The following SDK2 variants were observed in gnomAD, a reference collection of about 807,000 sequenced individuals.
The protein encoded by SDK2 is protein sidekick-2.
In SDK2, 105 loss-of-function variants were observed where a neutral mutation model predicts 253.9. That is an observed-to-expected ratio of 0.41 (90% CI 0.35 to 0.49). The LOEUF (loss-of-function observed/expected upper bound fraction) is 0.49. Among genes scored for constraint, SDK2 ranks in the 20% least tolerant of loss-of-function variants. SDK2 has a pLI of 0.06. For synonymous variants in SDK2, 1,249 were observed against 1,234.9 expected (o/e 1.01, Z -0.24); for missense variants, 2,608 against 3,003.0 (o/e 0.87, Z 3.07).
rs1007097292 is a variant in SDK2 at position 73,467,765 on chromosome 17, G to A, written c.331+4347C>T. ...GCTTTTCTAACTTCCTGGCTTTAGG[G>A]CCCAAAGGGCTGTGGACTGTGGTTA... On this transcript the variant is annotated intron_variant, in intron 3 of 44. Coordinates refer to ENST00000392650, the MANE Select transcript of SDK2 (RefSeq NM_001144952.2). The surrounding 1 kb of genome is among the most constrained non-coding windows in gnomAD (Gnocchi z 4.1). 3.9e-5 allele frequency among the ~76,000 whole-genome samples: 6 copies of A among 152,188 alleles called. No homozygotes were observed. Among genetic ancestry groups the A allele is most frequent in the Admixed American group, 6.5e-5 (1 of 15,280 alleles).
rs1443176112 is a variant in SDK2 at position 73,624,005 on chromosome 17, TGGGCA to T, written c.64+20015_64+20019del. 3.3e-5 allele frequency among the ~76,000 whole-genome samples: 5 copies of T among 152,324 alleles called. No individual in the cohort carries two copies. In the East Asian group the frequency reaches 9.7e-4, roughly 29 times the overall value. Reference sequence around the variant, plus strand: ...CGGGTTGTTTTTCCAGGAGGAGGACTGGGCAGGGCCGCTCAGCCTGCTGGGCCTCC... The same window carrying T: ...CGGGTTGTTTTTCCAGGAGGAGGACTGGGCCGCTCAGCCTGCTGGGCCTCC... On this transcript the variant is annotated intron_variant, in intron 1 of 44. Coordinates refer to ENST00000392650, the MANE Select transcript of SDK2 (RefSeq NM_001144952.2).
At chr17:73,589,162 C>T (rs2045647316) in intron 1 of SDK2, among the ~76,000 whole-genome samples, 1 of 152,260 alleles carries the variant, frequency 6.6e-6, no homozygotes, top group African/African-American at 2.4e-5. Flanking sequence ...TATGCTCCTC[C>T]CTAAGCCAAT....
At chr17:73,552,478 G>T (rs73351513) in intron 1 of SDK2, among the ~76,000 whole-genome samples, 1 of 152,182 alleles carries the variant, frequency 6.6e-6, no homozygotes, top group Non-Finnish European at 1.5e-5. Context: ...CCTCCTGAGG[G>T]GGTGGCCGTC....
At chr17:73,405,019 G>A (rs1174553435) in intron 18 of SDK2, among the ~76,000 whole-genome samples, 1 of 151,688 alleles carries the variant, frequency 6.6e-6, no homozygotes, top group East Asian at 2.0e-4. Flanking sequence ...TATTCTAGGG[G>A]ATAGAAACAG....
intron 38 of SDK2, among the ~76,000 whole-genome samples, chr17:73,362,634 T>C (rs1233706410): frequency 6.6e-6 from 1 of 151,902 alleles, no homozygotes. Context: ...CAAGTGATCC[T>C]CCCACCTTGG....
At position 73,643,959 on chromosome 17, in the gene SDK2, C is replaced by CCCCCCCCCCACCCCCCCCCCCACAA; in HGVS notation, c.64+65_64+66insTTGTGGGGGGGGGGGTGGGGGGGGG. On this transcript the variant is annotated intron_variant, in intron 1 of 44. Coordinates refer to ENST00000392650, the MANE Select transcript of SDK2 (RefSeq NM_001144952.2). This position sits in a 1 kb window ranked among gnomAD's most constrained non-coding sequence, Gnocchi z 6.9. ...AGGTCACCGTGAGGCCGGCCAGCTC[C>CCCCCCCCCCACCCCCCCCCCCACAA]CGCCGCCCCTCCCCCGCCCACTCTC... 1 of 923,744 alleles carries CCCCCCCCCCACCCCCCCCCCCACAA rather than the reference C, an allele frequency of 1.1e-6. No homozygotes were observed. Among genetic ancestry groups the CCCCCCCCCCACCCCCCCCCCCACAA allele is most frequent in the Non-Finnish European group, 1.7e-6 (1 of 588,444 alleles). 57.2% of individuals were successfully genotyped at this position (923,744 alleles called of 1,614,324 possible).
At chr17:73,588,387 CAAAAAA>C (rs1215654213) in intron 1 of SDK2, among the ~76,000 whole-genome samples, 136 of 59,030 alleles carry the variant, frequency 2.3e-3, no homozygotes, top group African/African-American at 8.2e-3. Context: ...AACTCCATCT[CAAAAAA>C]AAAAAAAAAA....
At position 73,414,728 on chromosome 17, in the gene SDK2, C is replaced by T. The variant is rs139471859; in HGVS notation, c.2400G>A (p.Ala800=). 8.9e-5 allele frequency: 143 copies of T among 1,613,720 alleles called. No homozygotes were observed. In the South Asian group the frequency reaches 9.1e-4, roughly 10 times the overall value. Residue 800 remains alanine, a synonymous_variant, in exon 18 of 45, where the codon GCG becomes GCA. Transcript: ENST00000392650. ...GGATGGTCGTGGAATTGGTGGCTTC[C>T]GCGTGCACATTGCCCGGAGGGACCG... ...VPTVPPGNVH[A]EATNSTTIRF...
intron 1 of SDK2, among the ~76,000 whole-genome samples, chr17:73,604,893 G>T (rs543799887): frequency 9.9e-5 from 15 of 152,170 alleles, no homozygotes; most frequent in Non-Finnish European, 1.8e-4. Flanking sequence ...CACGTGGGAG[G>T]GGGTTGGGGA....
intron 1 of SDK2, among the ~76,000 whole-genome samples, chr17:73,582,652 G>A (rs1427701141): frequency 6.6e-6 from 1 of 152,166 alleles, no homozygotes; most frequent in Non-Finnish European, 1.5e-5. Context: ...TGGATGTAGG[G>A]AGAGGCTGTG....
At chr17:73,483,631 GTA>G (rs1167237578) in intron 2 of SDK2, among the ~76,000 whole-genome samples, 13,565 of 78,698 alleles carry the variant, frequency 0.17, 2,161 homozygotes, top group Middle Eastern at 0.27. Flanking sequence ...ATATGTATAT[GTA>G]TATATATATG....
rs970484491 is a variant in SDK2 at position 73,447,935 on chromosome 17, A to G, written c.480-187T>C. Among the ~76,000 whole-genome samples the G allele has an allele frequency of 6.6e-5, 10 of 152,104 alleles. No individual in the cohort carries two copies. Among genetic ancestry groups the G allele is most frequent in the African/African-American group, 2.4e-4 (10 of 41,420 alleles). ...TCCCGCCACGTTTAGTTTGCAGAGA[A>G]TGCTAAACACGGTGCTGATGCTGTC... On this transcript the variant is annotated intron_variant, in intron 4 of 44. Coordinates refer to ENST00000392650, the MANE Select transcript of SDK2 (RefSeq NM_001144952.2). This position sits in a 1 kb window ranked among gnomAD's most constrained non-coding sequence, Gnocchi z 4.0.
intron 36 of SDK2, among the ~76,000 whole-genome samples, chr17:73,374,471 AT>A (rs59277247): frequency 0.066 from 8,602 of 131,292 alleles, 1,207 homozygotes; most frequent in African/African-American, 0.15. Flanking sequence ...TTTGTCGGTA[AT>A]TTTTTTTTTT....
At chr17:73,365,984 CA>C (rs2062681568) in intron 37 of SDK2, among the ~76,000 whole-genome samples, 1 of 152,136 alleles carries the variant, frequency 6.6e-6, no homozygotes. Context: ...AACCCTGTGG[CA>C]ACCCCAAAAT....
chr17:73,500,704 TTCCGTCTCC>T (rs2063883887), intron 2 of SDK2, among the ~76,000 whole-genome samples: 1 of 133,992 alleles, frequency 7.5e-6, no homozygotes. Context: ...TCCATCCTCC[TTCCGTCTCC>T]TCCATCCTCT....
chr17:73,419,460 G>A (rs972137730), intron 15 of SDK2, among the ~76,000 whole-genome samples, 154 bp from the exon 16 acceptor site: 1 of 152,096 alleles, frequency 6.6e-6, no homozygotes, highest in African/African-American at 2.4e-5. Context: ...CTCTGAGCTT[G>A]TTCTATAAAA....
chr17:73,554,475 T>G (rs1210588163), intron 1 of SDK2, among the ~76,000 whole-genome samples: 1 of 152,212 alleles, frequency 6.6e-6, no homozygotes, highest in Non-Finnish European at 1.5e-5. Context: ...CAGGCTCATA[T>G]GGAGGAAGAA....
chr17:73,361,377 T>C lies in SDK2; in HGVS notation c.5467+307A>G, dbSNP rs972275557. 1.3e-5 allele frequency among the ~76,000 whole-genome samples: 2 copies of C among 152,078 alleles called. No individual in the cohort carries two copies. The highest frequency in any genetic ancestry group is 4.8e-5 in the African/African-American group (2 of 41,410). The stretch of plus-strand genomic sequence containing the variant: ...ACGGAAGTAAAGGAGGCCATGCAAT[T>C]AGCAGGGAGAGAAAGAACGAAGCAG... On this transcript the variant is annotated intron_variant, in intron 39 of 44. Transcript: ENST00000392650. This position sits in a 1 kb window ranked among gnomAD's most constrained non-coding sequence, Gnocchi z 4.1.
Position 73,352,781 on chromosome 17 carries a change from C to T in SDK2, c.5594-144G>A. On this transcript the variant is annotated intron_variant, in intron 40 of 44. Coordinates refer to ENST00000392650, the MANE Select transcript of SDK2 (RefSeq NM_001144952.2). The surrounding 1 kb of genome is among the most constrained non-coding windows in gnomAD (Gnocchi z 4.1). Reference sequence around the variant, plus strand: ...ACTGAATCGCAGGCCTTGGTCCTCCCTTGAAGTTTCTTAAAAAGACAACTT... The same window carrying T: ...ACTGAATCGCAGGCCTTGGTCCTCCTTTGAAGTTTCTTAAAAAGACAACTT... 2 of 841,670 alleles carry T rather than the reference C, an allele frequency of 2.4e-6. No homozygotes were observed. The highest frequency in any genetic ancestry group is 3.6e-6 in the Non-Finnish European group (2 of 550,052). The allele number at this position is 841,670 out of a possible 1,614,324, so 52.1% of individuals were successfully genotyped here.
Sources: gnomAD v4.1 joint callset for allele counts (sites outside exome capture counted in the v4.1 genomes callset) on GRCh38, gnomAD v4.1.1 for gene constraint, Gnocchi (gnomAD v3.1) non-coding constraint, MANE v1.5 for transcripts, NCBI Gene and HGNC (gene_info 2026-07-23, HGNC 2026-07-21) for gene names.